SLC13A1: variants seen among roughly 807,000 people sequenced by gnomAD.
SLC13A1 encodes solute carrier family 13 member 1.
Under a neutral mutation model 70.0 loss-of-function variants are expected in SLC13A1, and 65 were observed. That is an observed-to-expected ratio of 0.93 (90% CI 0.76 to 1.14). The LOEUF (loss-of-function observed/expected upper bound fraction) is 1.14, where lower values mean the gene tolerates loss of function less well. SLC13A1 is among the 50% of genes most tolerant of loss of function. The pLI is 0.00. For missense variants in SLC13A1, 726 were observed against 717.8 expected (o/e 1.01, Z -0.13); for synonymous variants, 275 against 250.5 (o/e 1.10, Z -0.92).
At position 123,184,173 on chromosome 7, in the gene SLC13A1, T is replaced by C. The variant is rs146036439; in HGVS notation, c.100-3072A>G. ...TTGACATGTAAAATTGTATGTACTG[T>C]ATTTATCATGTACAACATGGTGCTT... On this transcript the variant is annotated intron_variant, in intron 1 of 14. Coordinates refer to ENST00000194130, the MANE Select transcript of SLC13A1 (RefSeq NM_022444.4). Among the ~76,000 whole-genome samples, 976 of 152,248 alleles carry C rather than the reference T, an allele frequency of 6.4e-3. 10 individuals are homozygous for C. Among genetic ancestry groups the C allele is most frequent in the African/African-American group, 0.016 (661 of 41,562 alleles).
chr7:123,129,363 T>C lies in SLC13A1; in HGVS notation c.1031+20A>G, dbSNP rs762471459. 4.9e-6 allele frequency: 6 copies of C among 1,218,432 alleles called. No homozygotes were observed. The highest frequency in any genetic ancestry group is 7.1e-6 in the Non-Finnish European group (6 of 848,686). The allele number at this position is 1,218,432 out of a possible 1,614,324, so 75.5% of individuals were successfully genotyped here. A position where few individuals can be genotyped will look rare whatever the true frequency, so the allele number is the denominator to read the frequency against. On this transcript the variant is annotated intron_variant, in intron 9 of 14. Transcript: ENST00000194130. ...GTGTGTGTGTGTGTGTGTGTGTGTG[T>C]GTGTGTGTGTTTGTCTTACCTTATT... is the stretch of plus-strand genomic sequence containing the variant.
rs754170560 is a variant in SLC13A1 at position 123,171,906 on chromosome 7, T to C, written c.229-2A>G. On this transcript the variant is annotated splice_acceptor_variant, in intron 2 of 14. Coordinates refer to ENST00000194130, the MANE Select transcript of SLC13A1 (RefSeq NM_022444.4). LOFTEE classifies it high-confidence loss of function. ...ATCCTTGAAATAAGCAGATGCCACC[T>C]GAAATAACAATTAAACCCGTGATTA... The C allele has an allele frequency of 6.2e-7, 1 of 1,611,304 alleles. No individual in the cohort carries two copies. Among genetic ancestry groups the C allele is most frequent in the Non-Finnish European group, 8.5e-7 (1 of 1,178,638 alleles).
chr7:123,176,576 T>C (rs1200844643), intron 2 of SLC13A1, among the ~76,000 whole-genome samples: 2 of 152,156 alleles, frequency 1.3e-5, no homozygotes, highest in African/African-American at 4.8e-5. Flanking sequence ...GTTGTAAAAA[T>C]TAAATATTAC....
rs796405038 is a variant in SLC13A1, at chr7:123,141,712, T to C, written c.812+5447A>G. 1.2e-4 allele frequency among the ~76,000 whole-genome samples: 18 copies of C among 152,302 alleles called. No homozygotes were observed. The Middle Eastern group carries it at 0.014, about 115-fold the overall frequency. On this transcript the variant is annotated intron_variant, in intron 7 of 14. Transcript: ENST00000194130. ...TTGTCTCTTCTTATACTTTTTGTCATGAAATCTATTTTGCCTGATATGAGT... is the reference window on the plus strand; with the variant it reads ...TTGTCTCTTCTTATACTTTTTGTCACGAAATCTATTTTGCCTGATATGAGT...
At chr7:123,137,562 CCCATGCCAA>C (rs762481794) in intron 7 of SLC13A1, among the ~76,000 whole-genome samples, 3 of 152,006 alleles carry the variant, frequency 2.0e-5, no homozygotes, top group Non-Finnish European at 4.4e-5. Context: ...TGAGAGTGAC[CCCATGCCAA>C]CAGCCAGCAA....
At chr7:123,172,143 A>G (rs1795296997) in intron 2 of SLC13A1, among the ~76,000 whole-genome samples, 1 of 152,196 alleles carries the variant, frequency 6.6e-6, no homozygotes, top group Non-Finnish European at 1.5e-5. Flanking sequence ...TAAATAGCTG[A>G]GTAACATCAG....
intron 2 of SLC13A1, among the ~76,000 whole-genome samples, chr7:123,173,529 T>C (rs1409504134): frequency 6.6e-6 from 1 of 151,954 alleles, no homozygotes; most frequent in Non-Finnish European, 1.5e-5. Context: ...TTTCCCTCTT[T>C]GCACCTCTTC....
At chr7:123,140,575 G>T (rs759341297) in intron 7 of SLC13A1, among the ~76,000 whole-genome samples, 2 of 152,034 alleles carry the variant, frequency 1.3e-5, no homozygotes, top group Non-Finnish European at 2.9e-5. Context: ...TTTACTGGAA[G>T]AATTTTATTA....
At position 123,199,853 on chromosome 7, in the gene SLC13A1, T is replaced by G; in HGVS notation, c.94A>C (p.Thr32Pro). 6.2e-7 allele frequency: 1 copy of G among 1,609,624 alleles called. No homozygotes were observed. The highest frequency in any genetic ancestry group is 8.5e-7 in the Non-Finnish European group (1 of 1,176,358). The change falls in exon 1 of 15, where the codon ACC becomes CCC. Residue 32 changes from threonine (T) to proline (P), a missense_variant. Thr to Pro is a conservative substitution (Grantham distance 38). Transcript: ENST00000194130. ...TGTTCTCCAGGTTCACTCACCTTGG[T>G]GTGGAGGACGATGGGCAGAGGTAGT... is the stretch of plus-strand genomic sequence containing the variant. ...VLLPLPIVLH[T>P]KEAECAYTLF...
chr7:123,180,879 A>G (rs1795614816), intron 2 of SLC13A1, 94 bp downstream of exon 2: 2 of 1,363,686 alleles, frequency 1.5e-6, no homozygotes, highest in Non-Finnish European at 2.0e-6. Flanking sequence ...AACCTTACCA[A>G]CGAGATGATT....
chr7:123,155,464 AATG>A (rs1794679414), intron 6 of SLC13A1, among the ~76,000 whole-genome samples: 1 of 151,924 alleles, frequency 6.6e-6, no homozygotes, highest in Non-Finnish European at 1.5e-5. Flanking sequence ...TGATTATATT[AATG>A]ATATTTTCTT....
At chr7:123,170,027 G>A (rs1308484579) in intron 3 of SLC13A1, among the ~76,000 whole-genome samples, 1 of 151,374 alleles carries the variant, frequency 6.6e-6, no homozygotes. Context: ...GTAGTTATTA[G>A]TTATTCTCCT....
chr7:123,144,139 GT>G (rs1794263495), intron 7 of SLC13A1, among the ~76,000 whole-genome samples: 1 of 152,142 alleles, frequency 6.6e-6, no homozygotes, highest in South Asian at 2.1e-4. Context: ...CAAGCATGCT[GT>G]TTTGGGATGT....
chr7:123,128,788 G>T, intron 10 of SLC13A1, 57 bp downstream of exon 10: 1 of 1,088,088 alleles, frequency 9.2e-7, no homozygotes, highest in African/African-American at 1.6e-5. Context: ...GAACCACACA[G>T]GAGAGAAGCA....
At chr7:123,123,723 C>G (rs549809669) in intron 11 of SLC13A1, among the ~76,000 whole-genome samples, 50 of 152,004 alleles carry the variant, frequency 3.3e-4, no homozygotes, top group Admixed American at 3.3e-3. Context: ...GATAGATTCA[C>G]CAAGATTTCA....
At chr7:123,199,499 G>T (rs1585423494) in intron 1 of SLC13A1, among the ~76,000 whole-genome samples, 2 of 151,948 alleles carry the variant, frequency 1.3e-5, no homozygotes, top group Non-Finnish European at 2.9e-5. Flanking sequence ...CTATTCTCAG[G>T]GGAAGGCATT....
intron 12 of SLC13A1, among the ~76,000 whole-genome samples, chr7:123,121,029 T>C (rs1266575685): frequency 6.6e-6 from 1 of 152,060 alleles, no homozygotes; most frequent in Non-Finnish European, 1.5e-5. Context: ...GTGGAAATGT[T>C]CTTCTTTTCT....
chr7:123,172,775 A>T (rs1795316432), intron 2 of SLC13A1, among the ~76,000 whole-genome samples: 2 of 151,730 alleles, frequency 1.3e-5, no homozygotes, highest in Non-Finnish European at 2.9e-5. Flanking sequence ...ACTTTGAAAT[A>T]CATTTAGGTA....
Position 123,125,617 on chromosome 7 carries a change from G to A in SLC13A1, c.1192C>T (p.Leu398Phe). The change falls in exon 11 of 15, where the codon CTT becomes TTT. Residue 398 changes from leucine to phenylalanine, a missense_variant. Leu to Phe is a conservative substitution (Grantham distance 22). Transcript: ENST00000194130. ...VALLIGLLFF[L>F]IPAKTLTKTT... ...TTAGTCAGTGTCTTAGCTGGGATAA[G>A]AAAGAATAGCAGCCCTATAAGTAAA... 6.2e-7 allele frequency: 1 copy of A among 1,613,192 alleles called. No homozygotes were observed. The highest frequency in any genetic ancestry group is 8.5e-7 in the Non-Finnish European group (1 of 1,179,536).
Sources: gnomAD v4.1 joint callset for allele counts (sites outside exome capture counted in the v4.1 genomes callset) on GRCh38, gnomAD v4.1.1 for gene constraint, MANE v1.5 for transcripts, NCBI Gene and HGNC (gene_info 2026-07-23, HGNC 2026-07-21) for gene names.